The following CSMD1 variants were observed in gnomAD, a reference collection of about 807,000 sequenced individuals.
CSMD1 encodes the protein CUB and sushi domain-containing protein 1.
In CSMD1, 213 loss-of-function variants were observed where a neutral mutation model predicts 417.5. That is an observed-to-expected ratio of 0.51 (90% CI 0.46 to 0.57). The LOEUF is 0.57. Ranked by LOEUF, CSMD1 falls within the 20% of genes least tolerant of loss-of-function variation. CSMD1 has a pLI of 0.00. For synonymous variants in CSMD1, 2,862 were observed against 1,736.8 expected (o/e 1.65, Z -16.11); for missense variants, 6,923 against 4,529.7 (o/e 1.53, Z -15.17).
intron 11 of CSMD1, among the ~76,000 whole-genome samples, chr8:3,490,252 T>C (rs1312032734): frequency 6.6e-6 from 1 of 152,190 alleles, no homozygotes; most frequent in African/African-American, 2.4e-5. Context: ...TTTGATTCAG[T>C]TGGCTGTTTA....
intron 5 of CSMD1, among the ~76,000 whole-genome samples, chr8:3,802,622 A>G (rs1378963659): frequency 6.6e-6 from 1 of 152,192 alleles, no homozygotes; most frequent in Non-Finnish European, 1.5e-5. Flanking sequence ...ATATAATTTT[A>G]AGCCTTTAGT....
At chr8:3,144,807 G>T (rs1374915526) in intron 40 of CSMD1, among the ~76,000 whole-genome samples, 1 of 126,222 alleles carries the variant, frequency 7.9e-6, no homozygotes, top group South Asian at 2.9e-4. Flanking sequence ...GGGGGGGGGA[G>T]GGAGGGAGGG....
At chr8:3,787,355 T>C (rs61619082) in intron 5 of CSMD1, among the ~76,000 whole-genome samples, 1 of 152,126 alleles carries the variant, frequency 6.6e-6, no homozygotes, top group Non-Finnish European at 1.5e-5. Context: ...GTTGATGCCA[T>C]TTTGCTTGCA....
intron 3 of CSMD1, among the ~76,000 whole-genome samples, chr8:4,107,917 T>C (rs1176963393): frequency 6.6e-6 from 1 of 152,072 alleles, no homozygotes; most frequent in Admixed American, 6.6e-5. Flanking sequence ...ACAAATAACA[T>C]TTTCGTCAAA....
intron 2 of CSMD1, among the ~76,000 whole-genome samples, chr8:4,560,110 A>G (rs1211153076): frequency 6.6e-6 from 1 of 152,206 alleles, no homozygotes; most frequent in Non-Finnish European, 1.5e-5. Flanking sequence ...CCACGTGGTG[A>G]CTGCACCCTC....
chr8:3,418,801 G>A (rs1450151512), intron 12 of CSMD1, among the ~76,000 whole-genome samples: 1 of 152,134 alleles, frequency 6.6e-6, no homozygotes, highest in Admixed American at 6.6e-5. Flanking sequence ...AGTAGGAAAT[G>A]AGAAGGAAGA....
At chr8:3,774,829 G>A (rs1302777795) in intron 5 of CSMD1, among the ~76,000 whole-genome samples, 1 of 152,078 alleles carries the variant, frequency 6.6e-6, no homozygotes, top group Non-Finnish European at 1.5e-5. Flanking sequence ...ATTCTCAAGG[G>A]ATACATTCCA....
intron 3 of CSMD1, among the ~76,000 whole-genome samples, chr8:4,237,454 G>C (rs895677717): frequency 6.6e-6 from 1 of 152,068 alleles, no homozygotes; most frequent in Non-Finnish European, 1.5e-5. Flanking sequence ...TAAACGGTAA[G>C]AGCTTTGAAG....
chr8:3,243,736 T>A (rs956514705), intron 26 of CSMD1, among the ~76,000 whole-genome samples: 3 of 151,282 alleles, frequency 2.0e-5, no homozygotes, highest in Non-Finnish European at 4.4e-5. Flanking sequence ...TTATGAAAAT[T>A]ACAAATATTA....
At chr8:3,664,474 C>A (rs1033066710) in intron 7 of CSMD1, among the ~76,000 whole-genome samples, 1 of 152,156 alleles carries the variant, frequency 6.6e-6, no homozygotes, top group South Asian at 2.1e-4. Flanking sequence ...ATAGGCAGCT[C>A]AATGTTAATC....
intron 1 of CSMD1, among the ~76,000 whole-genome samples, chr8:4,706,977 G>T (rs779228821): frequency 6.6e-6 from 1 of 152,126 alleles, no homozygotes; most frequent in Non-Finnish European, 1.5e-5. Flanking sequence ...AGAGTGACAG[G>T]GACAAAGTCA....
rs141620225 is a variant in CSMD1 at position 4,447,186 on chromosome 8, A to C, written c.303-27121T>G. ...ATTATTGATCCCATGTTATTTCCCA[A>C]TTATTATGGATAAGGGAAAACAAAT... On this transcript the variant is annotated intron_variant, in intron 2 of 69. Coordinates refer to ENST00000635120, the MANE Select transcript of CSMD1 (RefSeq NM_033225.6). 4.8e-3 allele frequency among the ~76,000 whole-genome samples: 726 copies of C among 152,336 alleles called. 7 individuals carry two copies. Among genetic ancestry groups the C allele is most frequent in the Non-Finnish European group, 7.9e-3 (536 of 68,038 alleles).
At chr8:4,761,530 T>C (rs1812067149) in intron 1 of CSMD1, among the ~76,000 whole-genome samples, 1 of 152,134 alleles carries the variant, frequency 6.6e-6, no homozygotes, top group African/African-American at 2.4e-5. Flanking sequence ...ATTGTATATG[T>C]ACTTGGGCAG....
chr8:3,673,588 G>A (rs78105200), intron 7 of CSMD1, among the ~76,000 whole-genome samples: 10 of 152,146 alleles, frequency 6.6e-5, no homozygotes, highest in African/African-American at 2.4e-4. Context: ...ACTTGATTCA[G>A]AGCTAATTTT....
chr8:3,419,842 T>G (rs1017725735), intron 12 of CSMD1, among the ~76,000 whole-genome samples: 1 of 152,202 alleles, frequency 6.6e-6, no homozygotes, highest in African/African-American at 2.4e-5. Flanking sequence ...GACCACAGTC[T>G]GGAAGCAGGA....
At chr8:4,269,169 G>A (rs979362450) in intron 3 of CSMD1, among the ~76,000 whole-genome samples, 2 of 152,084 alleles carry the variant, frequency 1.3e-5, no homozygotes, top group South Asian at 2.1e-4. Context: ...CCATGGTCCT[G>A]CCTCAGCCCT....
At chr8:4,089,131 T>C (rs1408318201) in intron 3 of CSMD1, among the ~76,000 whole-genome samples, 1 of 152,196 alleles carries the variant, frequency 6.6e-6, no homozygotes, top group African/African-American at 2.4e-5. Context: ...GGGATTCCAG[T>C]GCTTAACAAA....
chr8:4,258,299 G>A (rs1305945253), intron 3 of CSMD1, among the ~76,000 whole-genome samples: 6 of 115,130 alleles, frequency 5.2e-5, no homozygotes, highest in Non-Finnish European at 1.0e-4. Context: ...GAGAAAGGGA[G>A]AAAGAGAGTG....
intron 7 of CSMD1, among the ~76,000 whole-genome samples, chr8:3,640,799 C>A (rs1283801838): frequency 1.3e-5 from 2 of 151,954 alleles, no homozygotes; most frequent in Non-Finnish European, 2.9e-5. Context: ...GACGGCCTCA[C>A]AGAGGGATGG....
Sources: allele counts gnomAD v4.1 joint callset (sites outside exome capture counted in the v4.1 genomes callset), GRCh38; gene constraint gnomAD v4.1.1; transcripts MANE v1.5; gene names NCBI Gene and HGNC (gene_info 2026-07-23, HGNC 2026-07-21).